AATF: variants seen among roughly 807,000 people sequenced by gnomAD.
AATF encodes the protein apoptosis antagonizing transcription factor.
AATF carries 48 observed loss-of-function variants against 63.7 expected under a neutral mutation model. That is an observed-to-expected ratio of 0.75 (90% CI 0.60 to 0.96). The LOEUF is 0.96. AATF is among the 40% of genes least tolerant of loss of function. The probability of loss-of-function intolerance (pLI) is 0.00; values close to 1 mark genes in which losing one functional copy is unlikely to be tolerated. For synonymous variants in AATF, 258 were observed against 247.7 expected (o/e 1.04, Z -0.39); for missense variants, 639 against 685.7 (o/e 0.93, Z 0.76).
In AATF at chr17:36,990,949, G is replaced by A; in HGVS notation, c.1398+92G>A. The A allele has an allele frequency of 4.4e-6, 4 of 905,366 alleles. No homozygotes were observed. In the South Asian group the frequency reaches 7.7e-5, roughly 17 times the overall value. 56.1% of individuals were successfully genotyped at this position (905,366 alleles called of 1,614,324 possible). On this transcript the variant is annotated intron_variant, in intron 8 of 11. Transcript: ENST00000619387. ...CTGAACAAAGAAGTTGCTTATTTTG[G>A]AAGGATAGAGTCAGACAGTGAGTTA...
chr17:37,017,544 T>G (rs2071437781), intron 8 of AATF, among the ~76,000 whole-genome samples: 1 of 152,176 alleles, frequency 6.6e-6, no homozygotes, highest in African/African-American at 2.4e-5. Flanking sequence ...GTAGGAGAGA[T>G]AAACTGATAG....
At chr17:36,962,529 T>G (rs2070955832) in intron 4 of AATF, among the ~76,000 whole-genome samples, 1 of 152,160 alleles carries the variant, frequency 6.6e-6, no homozygotes, top group Non-Finnish European at 1.5e-5. Context: ...GGGTTGGGTT[T>G]CTTAGGAGTG....
At chr17:36,994,564 C>A (rs978130683) in intron 8 of AATF, among the ~76,000 whole-genome samples, 1 of 152,202 alleles carries the variant, frequency 6.6e-6, no homozygotes, top group Non-Finnish European at 1.5e-5. Context: ...AACAGAATTA[C>A]TTTACAGTTG....
At chr17:36,963,286 A>T (rs1014123090) in intron 4 of AATF, among the ~76,000 whole-genome samples, 1 of 152,186 alleles carries the variant, frequency 6.6e-6, no homozygotes, top group South Asian at 2.1e-4. Context: ...GTGAGCATCG[A>T]TCAACAGAAT....
intron 8 of AATF, among the ~76,000 whole-genome samples, chr17:37,003,471 CTTTT>C (rs1163393533): frequency 4.1e-5 from 4 of 96,626 alleles, no homozygotes; most frequent in East Asian, 2.9e-4. Flanking sequence ...TTGACAAGAA[CTTTT>C]TTTTTTTTTT....
chr17:36,955,318 C>G (rs2070890478), intron 4 of AATF, among the ~76,000 whole-genome samples: 1 of 152,088 alleles, frequency 6.6e-6, no homozygotes, highest in Non-Finnish European at 1.5e-5. Context: ...GAATGGCTTC[C>G]TAGAGTCCAG....
chr17:36,982,838 A>G (rs2071137783), intron 4 of AATF, among the ~76,000 whole-genome samples: 1 of 152,132 alleles, frequency 6.6e-6, no homozygotes, highest in African/African-American at 2.4e-5. Flanking sequence ...GTATCATTAA[A>G]CAGTAATTCT....
At chr17:36,987,153 A>ATTTTTTTTTTTTTTTTTTTTTTTTTTT (rs11286976) in intron 5 of AATF, among the ~76,000 whole-genome samples, 1 of 121,374 alleles carries the variant, frequency 8.2e-6, no homozygotes, top group African/African-American at 3.2e-5. Flanking sequence ...ATGCCTGGCT[A>ATTTTTTTTTTTTTTTTTTTTTTTTTTT]TTTTTTTTTT....
At chr17:37,047,787 G>A (rs968524816) in intron 11 of AATF, among the ~76,000 whole-genome samples, 3 of 152,194 alleles carry the variant, frequency 2.0e-5, no homozygotes, top group African/African-American at 4.8e-5. Context: ...TATGGGCTCC[G>A]CTGACTGGTG....
At chr17:36,949,557 G>A (rs2070836401) in intron 1 of AATF, among the ~76,000 whole-genome samples, 1 of 152,254 alleles carries the variant, frequency 6.6e-6, no homozygotes, top group Non-Finnish European at 1.5e-5. Flanking sequence ...GCCCTTTCTG[G>A]TATTGCGTTA....
chr17:36,986,299 T>A (rs529070892), intron 4 of AATF, among the ~76,000 whole-genome samples: 36 of 152,320 alleles, frequency 2.4e-4, no homozygotes, highest in African/African-American at 7.7e-4. Context: ...ATGGTTATAA[T>A]GAGAGGCCGG....
chr17:37,053,737 G>A (rs542240738), intron 11 of AATF, among the ~76,000 whole-genome samples: 67 of 152,230 alleles, frequency 4.4e-4, no homozygotes, highest in Middle Eastern at 3.4e-3. Context: ...GTGGTGGTGC[G>A]CACCTGCAGT....
intron 10 of AATF, among the ~76,000 whole-genome samples, chr17:37,021,701 A>G (rs2084357430): frequency 1.2e-5 from 1 of 82,810 alleles, no homozygotes; most frequent in Admixed American, 9.8e-5. Context: ...GCTACTCGGG[A>G]GGCTGAGGCA....
rs562377976 is a variant in AATF, at chr17:36,977,731, AC to A, written c.833-8885del. ...CTACTGTAAGACAGTTTAAACAATT[AC>A]AGTACTTGTAAATAAACTTGGTTTT... On this transcript the variant is annotated intron_variant, in intron 4 of 11. Coordinates refer to ENST00000619387, the MANE Select transcript of AATF (RefSeq NM_012138.4). Among the ~76,000 whole-genome samples, 7 of 152,320 alleles carry A rather than the reference AC, an allele frequency of 4.6e-5. No individual in the cohort carries two copies. In the South Asian group the frequency reaches 1.4e-3, roughly 32 times the overall value.
intron 4 of AATF, among the ~76,000 whole-genome samples, chr17:36,976,908 G>A (rs1370149117): frequency 6.6e-6 from 1 of 152,132 alleles, no homozygotes; most frequent in Non-Finnish European, 1.5e-5. Context: ...AGCAAAAGTT[G>A]TTAATTGTTT....
chr17:37,056,451 TGTGA>T (rs1463239719), intron 11 of AATF, 146 bp from the exon 12 acceptor site: 5 of 705,510 alleles, frequency 7.1e-6, no homozygotes, highest in African/African-American at 5.4e-5. Context: ...CTGTTGTATT[TGTGA>T]GTAAGAGCTG....
At chr17:37,024,301 G>T (rs1166056106) in intron 10 of AATF, among the ~76,000 whole-genome samples, 5 of 152,206 alleles carry the variant, frequency 3.3e-5, no homozygotes, top group Non-Finnish European at 7.3e-5. Context: ...GTAGGCGTTT[G>T]CCCAGTGAAA....
At chr17:37,009,998 A>C (rs2071377923) in intron 8 of AATF, among the ~76,000 whole-genome samples, 1 of 152,268 alleles carries the variant, frequency 6.6e-6, no homozygotes. Context: ...AACAACTGAC[A>C]AAAAACAGGT....
chr17:37,048,248 A>G (rs939865400), intron 11 of AATF, among the ~76,000 whole-genome samples: 4 of 151,500 alleles, frequency 2.6e-5, no homozygotes, highest in Admixed American at 6.6e-5. Flanking sequence ...GTTTTCTACT[A>G]TAGTGATTTT....
Sources: allele counts gnomAD v4.1 joint callset (sites outside exome capture counted in the v4.1 genomes callset), GRCh38; gene constraint gnomAD v4.1.1; transcripts MANE v1.5; gene names NCBI Gene and HGNC (gene_info 2026-07-23, HGNC 2026-07-21).